The following PCDHGA6 variants were observed in gnomAD, a reference collection of about 807,000 sequenced individuals.
PCDHGA6 encodes protocadherin gamma subfamily A, 6.
A neutral mutation model predicts 60.6 loss-of-function variants in PCDHGA6; 41 were observed. That is an observed-to-expected ratio of 0.68 (90% CI 0.53 to 0.88). The LOEUF is 0.88. PCDHGA6 is among the 40% of genes least tolerant of loss of function. The pLI is 0.00. For synonymous variants in PCDHGA6, 594 were observed against 524.4 expected (o/e 1.13, Z -1.81); for missense variants, 1,312 against 1,203.0 (o/e 1.09, Z -1.34).
At chr5:141,467,050 G>T (rs6580189) in intron 1 of PCDHGA6, among the ~76,000 whole-genome samples, 42,616 of 146,752 alleles carry the variant, frequency 0.29, 6,868 homozygotes, top group African/African-American at 0.45. Flanking sequence ...ATGAATCAAT[G>T]TTTTCTTTTT....
chr5:141,463,764 G>A (rs2099069094), intron 1 of PCDHGA6, among the ~76,000 whole-genome samples: 1 of 151,916 alleles, frequency 6.6e-6, no homozygotes. Flanking sequence ...TTCTCTTATG[G>A]GTTAGAATCC....
In PCDHGA6 at chr5:141,491,679, T is replaced by G. The variant is rs111288145; in HGVS notation, c.2425-3128T>G. 1 of 1,613,496 alleles carries G rather than the reference T, an allele frequency of 6.2e-7. No individual in the cohort carries two copies. Among genetic ancestry groups the G allele is most frequent in the Non-Finnish European group, 8.5e-7 (1 of 1,179,828 alleles). On this transcript the variant is annotated intron_variant, in intron 1 of 3. Coordinates refer to ENST00000517434, the MANE Select transcript of PCDHGA6 (RefSeq NM_018919.3). The surrounding 1 kb of genome is among the most constrained non-coding windows in gnomAD (Gnocchi z 6.9). ...CTGACGCCATCCGGTCCCGCTCTAA[T>G]ACGCTGCGGGAGCGGAGCCAGGTGA...
intron 1 of PCDHGA6, among the ~76,000 whole-genome samples, chr5:141,492,854 G>A (rs1361942466): frequency 6.6e-6 from 1 of 152,212 alleles, no homozygotes; most frequent in Non-Finnish European, 1.5e-5. Flanking sequence ...AAAGCCTCGA[G>A]CGCCCTGGCT....
At chr5:141,415,772 T>TTTTTTA in intron 1 of PCDHGA6, 1 of 1,332,986 alleles carries the variant, frequency 7.5e-7, no homozygotes, top group Non-Finnish European at 9.6e-7. Flanking sequence ...TTTTTTTTTT[T>TTTTTTA]ACTTTCTGGT....
Position 141,432,599 on chromosome 5 carries a change from C to T in PCDHGA6, c.2424+56092C>T. 2.5e-6 allele frequency: 4 copies of T among 1,613,908 alleles called. No individual in the cohort carries two copies. The highest frequency in any genetic ancestry group is 2.7e-5 in the African/African-American group (2 of 75,052). On this transcript the variant is annotated intron_variant, in intron 1 of 3. Coordinates refer to ENST00000517434, the MANE Select transcript of PCDHGA6 (RefSeq NM_018919.3). The surrounding 1 kb of genome is among the most constrained non-coding windows in gnomAD (Gnocchi z 6.0). Reference sequence around the variant, plus strand: ...CTACCGTCTGCTCAAGGCCAGCGAGCCGGGACTCTTCTCGGTGGGTCTGCA... The same window carrying T: ...CTACCGTCTGCTCAAGGCCAGCGAGTCGGGACTCTTCTCGGTGGGTCTGCA...
intron 1 of PCDHGA6, chr5:141,378,892 G>A (rs1477205995): frequency 1.3e-5 from 2 of 152,204 alleles, no homozygotes; most frequent in Non-Finnish European, 2.9e-5. Context: ...AAGGAGATAG[G>A]AGATTCTGTT....
At chr5:141,470,022 G>C (rs892106953) in intron 1 of PCDHGA6, among the ~76,000 whole-genome samples, 2 of 152,070 alleles carry the variant, frequency 1.3e-5, no homozygotes, top group African/African-American at 4.8e-5. Context: ...CCAGCTACTC[G>C]GGATGCTGAG....
At position 141,485,651 on chromosome 5, in the gene PCDHGA6, G is replaced by A. The variant is rs752827268; in HGVS notation, c.2425-9156G>A. The A allele has an allele frequency of 6.8e-6, 11 of 1,612,228 alleles. No individual in the cohort carries two copies. The Admixed American group carries it at 1.3e-4, about 20-fold the overall frequency. ...TTTCCCGTTGGAAAAGGCTCAGGATGCAGATGTGGGGAGCAATTCGATTAG... is the reference window on the plus strand; with the variant it reads ...TTTCCCGTTGGAAAAGGCTCAGGATACAGATGTGGGGAGCAATTCGATTAG... On this transcript the variant is annotated intron_variant, in intron 1 of 3. Transcript: ENST00000517434. This position sits in a 1 kb window ranked among gnomAD's most constrained non-coding sequence, Gnocchi z 5.7.
chr5:141,394,292 G>A (rs1173905383), intron 1 of PCDHGA6: 18 of 1,613,852 alleles, frequency 1.1e-5, no homozygotes, highest in Non-Finnish European at 1.4e-5. Flanking sequence ...CTGTGACCGA[G>A]GACACGCTGC....
chr5:141,389,530 T>C (rs963241883), intron 1 of PCDHGA6: 1 of 1,613,208 alleles, frequency 6.2e-7, no homozygotes, highest in African/African-American at 1.3e-5. Context: ...CTGCGCGTGT[T>C]AGTGGACGAC....
chr5:141,415,740 GTTTTTTTTTTT>G lies in PCDHGA6; in HGVS notation c.2424+39255_2424+39265del, dbSNP rs57426385. On this transcript the variant is annotated intron_variant, in intron 1 of 3. Transcript: ENST00000517434. ...TGAGTAGAATTTGATGTTTATTAAGGTTTTTTTTTTTTTTTTTTTTTTTTTTTTTTTTACTT... is the reference window on the plus strand; with the variant it reads ...TGAGTAGAATTTGATGTTTATTAAGGTTTTTTTTTTTTTTTTTTTTTACTT... 695 of 624,702 alleles carry G rather than the reference GTTTTTTTTTTT, an allele frequency of 1.1e-3. 1 individual carries two copies. Among genetic ancestry groups the G allele is most frequent in the East Asian group, 1.8e-3 (27 of 14,732 alleles). 38.7% of individuals were successfully genotyped at this position (624,702 alleles called of 1,614,324 possible).
chr5:141,458,823 C>T (rs1185812086), intron 1 of PCDHGA6, among the ~76,000 whole-genome samples: 1 of 152,126 alleles, frequency 6.6e-6, no homozygotes, highest in African/African-American at 2.4e-5. Flanking sequence ...ACCTCTGCCT[C>T]CCAGGCTCAA....
chr5:141,419,145 A>T, intron 1 of PCDHGA6: 1 of 1,613,940 alleles, frequency 6.2e-7, no homozygotes, highest in Non-Finnish European at 8.5e-7. Flanking sequence ...GACAGGGGCA[A>T]GCCTCCGTTA....
intron 1 of PCDHGA6, chr5:141,410,801 A>G (rs2095424401): frequency 3.4e-6 from 2 of 587,942 alleles, no homozygotes; most frequent in Admixed American, 4.2e-5. Context: ...AAGTTGCTCT[A>G]TCTTTTTGTA....
At chr5:141,488,872 T>C (rs773185475) in intron 1 of PCDHGA6, among the ~76,000 whole-genome samples, 4 of 151,794 alleles carry the variant, frequency 2.6e-5, no homozygotes, top group Non-Finnish European at 5.9e-5. Flanking sequence ...AGTGGGGAGG[T>C]AGGAAGCTTC....
At chr5:141,390,649 G>A in intron 1 of PCDHGA6, 1 of 210,770 alleles carries the variant, frequency 4.7e-6, no homozygotes, top group Non-Finnish European at 9.4e-6. Flanking sequence ...TTTTCAGCTT[G>A]GATATACCAT....
intron 1 of PCDHGA6, chr5:141,423,829 A>G: frequency 7.9e-7 from 1 of 1,268,964 alleles, no homozygotes; most frequent in Non-Finnish European, 9.9e-7. Flanking sequence ...GCCTTTCATG[A>G]GATTACGATA....
chr5:141,415,961 C>T, intron 1 of PCDHGA6: 1 of 438,836 alleles, frequency 2.3e-6, no homozygotes, highest in Non-Finnish European at 3.6e-6. Context: ...TATTGAAACT[C>T]CAGCCCCTTA....
Position 141,375,639 on chromosome 5 carries a change from CCTTCGACTA to C in PCDHGA6, c.1557_1565del (p.Phe520_Tyr522del), listed in dbSNP as rs1771695189. The C allele has an allele frequency of 6.2e-6, 10 of 1,614,244 alleles. No individual in the cohort carries two copies. Among genetic ancestry groups the C allele is most frequent in the Non-Finnish European group, 8.5e-6 (10 of 1,180,046 alleles). On this transcript the variant is annotated inframe_deletion, in exon 1 of 4. Coordinates refer to ENST00000517434, the MANE Select transcript of PCDHGA6 (RefSeq NM_018919.3). ...ACTGGGATTCTGTACGCCCTGCGCT[CCTTCGACTA>C]TGAGCAGTTGAGAGACCTACAGCTG...
Sources: gnomAD v4.1 joint callset for allele counts (sites outside exome capture counted in the v4.1 genomes callset) on GRCh38, gnomAD v4.1.1 for gene constraint, Gnocchi (gnomAD v3.1) non-coding constraint, MANE v1.5 for transcripts, NCBI Gene and HGNC (gene_info 2026-07-23, HGNC 2026-07-21) for gene names.